Variants in ABI2 observed in about 807,000 individuals in gnomAD.
The protein encoded by ABI2 is abl interactor 2.
In ABI2, 25 loss-of-function variants were observed where a neutral mutation model predicts 59.2. That is an observed-to-expected ratio of 0.42 (90% CI 0.31 to 0.59). ABI2 has a LOEUF of 0.59. ABI2 is among the 20% of genes least tolerant of loss of function. The pLI, the probability that ABI2 is intolerant of heterozygous loss-of-function variation, is 0.14. For synonymous variants in ABI2, 213 were observed against 235.5 expected (o/e 0.90, Z 0.87); for missense variants, 545 against 681.8 (o/e 0.80, Z 2.23).
chr2:203,386,485 A>G, intron 4 of ABI2: 1 of 262,906 alleles, frequency 3.8e-6, no homozygotes, highest in Non-Finnish European at 5.2e-6. Context: ...TGTGTTGCCC[A>G]GTCTGGAATC....
At chr2:203,369,014 T>G (rs12999728) in intron 2 of ABI2, among the ~76,000 whole-genome samples, 8 of 105,190 alleles carry the variant, frequency 7.6e-5, no homozygotes, top group South Asian at 3.8e-4. Flanking sequence ...TTTTTTTTTT[T>G]TTGTAGAGAC....
At chr2:203,395,815 C>A in intron 7 of ABI2, 35 bp downstream of exon 7, 1 of 1,520,636 alleles carries the variant, frequency 6.6e-7, no homozygotes. Flanking sequence ...TTCACTTTTC[C>A]TTTCTGAATT....
chr2:203,368,704 G>A (rs1013667985), intron 2 of ABI2, among the ~76,000 whole-genome samples: 5 of 151,790 alleles, frequency 3.3e-5, no homozygotes, highest in African/African-American at 1.2e-4. Context: ...GTTATATTGT[G>A]TATCTTAAGT....
intron 2 of ABI2, among the ~76,000 whole-genome samples, chr2:203,367,832 G>A (rs960742125): frequency 6.6e-6 from 1 of 151,646 alleles, no homozygotes; most frequent in Non-Finnish European, 1.5e-5. Context: ...GCAAAACCCT[G>A]TTCTCTACCA....
At chr2:203,345,072 G>T (rs2082403927) in intron 1 of ABI2, among the ~76,000 whole-genome samples, 1 of 152,172 alleles carries the variant, frequency 6.6e-6, no homozygotes, top group African/African-American at 2.4e-5. Context: ...CCTCTTCCAT[G>T]CTGTGGAAGC....
At chr2:203,392,335 AC>A (rs2096791692) in intron 5 of ABI2, among the ~76,000 whole-genome samples, 1 of 145,082 alleles carries the variant, frequency 6.9e-6, no homozygotes, top group Non-Finnish European at 1.5e-5. Context: ...AACAACAACA[AC>A]AACAACAAAA....
At chr2:203,371,562 A>G (rs1055464131) in intron 2 of ABI2, among the ~76,000 whole-genome samples, 2 of 152,206 alleles carry the variant, frequency 1.3e-5, no homozygotes, top group Non-Finnish European at 2.9e-5. Context: ...GGTAAATTTT[A>G]AAGAAATTTC....
chr2:203,402,193 C>A (rs2097253586), intron 8 of ABI2, among the ~76,000 whole-genome samples: 1 of 152,138 alleles, frequency 6.6e-6, no homozygotes, highest in Non-Finnish European at 1.5e-5. Context: ...CGCCACCATA[C>A]CTGGCTAATT....
intron 2 of ABI2, among the ~76,000 whole-genome samples, chr2:203,368,051 T>C (rs899497187): frequency 6.6e-6 from 1 of 152,110 alleles, no homozygotes; most frequent in African/African-American, 2.4e-5. Flanking sequence ...GAGTCAGTTA[T>C]AGAATAGGTA....
chr2:203,415,087 T>C (rs1269944424), intron 10 of ABI2, among the ~76,000 whole-genome samples: 2 of 152,392 alleles, frequency 1.3e-5, no homozygotes, highest in Non-Finnish European at 2.9e-5. Context: ...CTTTTTATCT[T>C]ACAAATGGAA....
chr2:203,386,257 T>A (rs112431378), intron 4 of ABI2, among the ~76,000 whole-genome samples: 13 of 152,148 alleles, frequency 8.5e-5, no homozygotes, highest in African/African-American at 3.1e-4. Flanking sequence ...CTACACACAC[T>A]TCCCCTCTTC....
At chr2:203,400,720 T>C (rs1026231226) in intron 8 of ABI2, among the ~76,000 whole-genome samples, 2 of 152,218 alleles carry the variant, frequency 1.3e-5, no homozygotes, top group Non-Finnish European at 1.5e-5. Context: ...GAATCTAAGC[T>C]TGGTAAACTT....
intron 2 of ABI2, chr2:203,375,835 T>C: frequency 5.8e-6 from 2 of 347,412 alleles, no homozygotes; most frequent in Non-Finnish European, 1.0e-5. Context: ...AATCTTCTGC[T>C]TGTTTATGAA....
chr2:203,372,565 C>T lies in ABI2; in HGVS notation c.285+5521C>T, dbSNP rs1288983369. 1.1e-4 allele frequency among the ~76,000 whole-genome samples: 17 copies of T among 150,526 alleles called. 1 individual carries two copies. Among genetic ancestry groups the T allele is most frequent in the Admixed American group, 6.6e-4 (10 of 15,174 alleles). ...GGCTGGCCGGGCGGGGGGCTGACCC[C>T]CCCACCTCCCTCCCGGACGGGGCGG... On this transcript the variant is annotated intron_variant, in intron 2 of 11. Coordinates refer to ENST00000261018, the MANE Select transcript of ABI2 (RefSeq NM_001375670.1).
At chr2:203,367,547 T>C (rs1021973166) in intron 2 of ABI2, 1 of 151,952 alleles carries the variant, frequency 6.6e-6, no homozygotes, top group Non-Finnish European at 1.5e-5. Context: ...TTGTAAAAGT[T>C]TTTTAAAAAA....
intron 8 of ABI2, among the ~76,000 whole-genome samples, chr2:203,398,511 T>C (rs529972212): frequency 3.6e-4 from 55 of 152,342 alleles, no homozygotes; most frequent in Admixed American, 3.1e-3. Flanking sequence ...TAGTCTGTTT[T>C]ATACAGTACC....
chr2:203,334,484 A>G (rs747487631), intron 1 of ABI2, among the ~76,000 whole-genome samples: 28 of 152,080 alleles, frequency 1.8e-4, no homozygotes, highest in Admixed American at 7.9e-4. Context: ...CTTTTGGTGG[A>G]TGAAATATAT....
intron 2 of ABI2, among the ~76,000 whole-genome samples, chr2:203,379,792 T>A (rs1223443623): frequency 6.6e-6 from 1 of 152,194 alleles, no homozygotes; most frequent in East Asian, 1.9e-4. Context: ...CCATCTCTGT[T>A]GTGGCTCATC....
At chr2:203,355,593 G>T (rs960179144) in intron 1 of ABI2, among the ~76,000 whole-genome samples, 12 of 151,904 alleles carry the variant, frequency 7.9e-5, no homozygotes, top group African/African-American at 2.7e-4. Context: ...ACTTTGGGAG[G>T]CTGAGGTGGG....
Sources: allele counts gnomAD v4.1 joint callset (sites outside exome capture counted in the v4.1 genomes callset), GRCh38; gene constraint gnomAD v4.1.1; transcripts MANE v1.5; gene names NCBI Gene and HGNC (gene_info 2026-07-23, HGNC 2026-07-21).